SMYD3: variants seen among roughly 807,000 people sequenced by gnomAD.
SMYD3 encodes the protein SET and MYND domain containing 3.
SMYD3 carries 36 observed loss-of-function variants against 57.7 expected under a neutral mutation model. The observed-to-expected ratio is 0.62, with a 90% confidence interval of 0.48 to 0.82. The LOEUF is 0.82. Among genes scored for constraint, SMYD3 ranks in the 40% least tolerant of loss-of-function variants. The pLI is 0.00. For missense variants in SMYD3, 515 were observed against 538.8 expected (o/e 0.96, Z 0.44); for synonymous variants, 211 against 195.0 (o/e 1.08, Z -0.68).
At chr1:246,125,071 C>CAA (rs35080862) in intron 5 of SMYD3, among the ~76,000 whole-genome samples, 22 of 121,704 alleles carry the variant, frequency 1.8e-4, no homozygotes, top group Admixed American at 2.5e-4. Flanking sequence ...GACTCCGTCT[C>CAA]AAAAAAAAAA....
intron 1 of SMYD3, among the ~76,000 whole-genome samples, chr1:246,435,089 C>T (rs1223229067): frequency 6.6e-6 from 1 of 152,270 alleles, no homozygotes; most frequent in East Asian, 1.9e-4. Context: ...ATGTAGTTCA[C>T]ACTTATAAGT....
At chr1:246,324,287 C>A (rs1286642254) in intron 5 of SMYD3, among the ~76,000 whole-genome samples, 3 of 151,924 alleles carry the variant, frequency 2.0e-5, no homozygotes, top group Non-Finnish European at 1.5e-5. Context: ...TGGTGGCAGG[C>A]GCCTGTAATC....
chr1:246,265,767 T>C (rs1302853303), intron 5 of SMYD3, among the ~76,000 whole-genome samples: 3 of 152,234 alleles, frequency 2.0e-5, no homozygotes, highest in South Asian at 2.1e-4. Context: ...GAGCATCTTT[T>C]TGAACCAACG....
At chr1:246,159,787 G>A (rs1289408490) in intron 5 of SMYD3, among the ~76,000 whole-genome samples, 4 of 152,032 alleles carry the variant, frequency 2.6e-5, no homozygotes, top group African/African-American at 4.8e-5. Context: ...GGGAGCCACC[G>A]GTACTGAGGG....
chr1:246,096,414 T>C (rs1401085686), intron 5 of SMYD3: 4 of 152,216 alleles, frequency 2.6e-5, no homozygotes, highest in Non-Finnish European at 4.4e-5. Flanking sequence ...TTCAGGCCTC[T>C]TTGCTGGCAA....
intron 1 of SMYD3, among the ~76,000 whole-genome samples, chr1:246,394,283 T>G (rs925945463): frequency 5.9e-5 from 9 of 152,232 alleles, no homozygotes; most frequent in African/African-American, 1.9e-4. Flanking sequence ...CCTTTAAGAA[T>G]AGAATCCAAA....
intron 1 of SMYD3, among the ~76,000 whole-genome samples, chr1:246,481,484 C>A (rs368007292): frequency 1.3e-5 from 2 of 150,060 alleles, no homozygotes; most frequent in African/African-American, 4.9e-5. Context: ...TCTTCTCTTG[C>A]TCTTGGACTG....
At chr1:246,115,769 C>T (rs1305755421) in intron 5 of SMYD3, among the ~76,000 whole-genome samples, 3 of 152,120 alleles carry the variant, frequency 2.0e-5, no homozygotes, top group South Asian at 2.1e-4. Context: ...TAACAACTAC[C>T]ATACAGAGAG....
At chr1:246,059,513 A>G (rs1181974819) in intron 5 of SMYD3, among the ~76,000 whole-genome samples, 1 of 152,146 alleles carries the variant, frequency 6.6e-6, no homozygotes, top group African/African-American at 2.4e-5. Context: ...TTTTATTATC[A>G]AGCATGGTGA....
intron 10 of SMYD3, among the ~76,000 whole-genome samples, chr1:245,793,373 T>G (rs1157515609): frequency 3.9e-5 from 6 of 152,108 alleles, no homozygotes; most frequent in Non-Finnish European, 5.9e-5. Context: ...GTTTTCCCGC[T>G]GGCAGACAGA....
At chr1:246,250,188 ACTAT>A (rs1343958531) in intron 5 of SMYD3, among the ~76,000 whole-genome samples, 2 of 152,238 alleles carry the variant, frequency 1.3e-5, no homozygotes, top group Non-Finnish European at 2.9e-5. Context: ...ACCTGGCAAC[ACTAT>A]CTAATCTATT....
rs75601007 is a variant in SMYD3 at position 246,476,959 on chromosome 1, C to T, written c.164+30095G>A. 9.4e-3 allele frequency among the ~76,000 whole-genome samples: 1,431 copies of T among 152,284 alleles called. 22 individuals are homozygous for T. Among genetic ancestry groups the T allele is most frequent in the Non-Finnish European group, 0.012 (806 of 68,010 alleles). On this transcript the variant is annotated intron_variant, in intron 1 of 11. Transcript: ENST00000490107. ...TTGTCTCTGGAACACTCTAGCTCAG[C>T]AACTTTTTAAAGGAGGGATTAGAGA... is the stretch of plus-strand genomic sequence containing the variant.
At position 246,140,658 on chromosome 1, in the gene SMYD3, G is replaced by A. The variant is rs138474095; in HGVS notation, c.531+186543C>T. Among the ~76,000 whole-genome samples the A allele has an allele frequency of 3.0e-3, 458 of 152,154 alleles. 4 individuals are homozygous for A. Among genetic ancestry groups the A allele is most frequent in the African/African-American group, 0.011 (439 of 41,502 alleles). Reference sequence around the variant, plus strand: ...ATAGGGGTCTCAATCTGTCACCCAGGCTGGGGTACAGTGGCACAATCACAG... The same window carrying A: ...ATAGGGGTCTCAATCTGTCACCCAGACTGGGGTACAGTGGCACAATCACAG... On this transcript the variant is annotated intron_variant, in intron 5 of 11. Coordinates refer to ENST00000490107, the MANE Select transcript of SMYD3 (RefSeq NM_001167740.2).
At chr1:245,850,385 T>C (rs1394448099) in intron 10 of SMYD3, among the ~76,000 whole-genome samples, 2 of 152,126 alleles carry the variant, frequency 1.3e-5, no homozygotes, top group Non-Finnish European at 2.9e-5. Flanking sequence ...GGTGAGAGTT[T>C]AAGTTTGATT....
chr1:246,279,075 C>T (rs1222218294), intron 5 of SMYD3, among the ~76,000 whole-genome samples: 1 of 152,150 alleles, frequency 6.6e-6, no homozygotes, highest in Admixed American at 6.5e-5. Flanking sequence ...ACAGACTTCA[C>T]AACAGTTCTA....
At chr1:245,854,109 T>C (rs1178580999) in intron 10 of SMYD3, among the ~76,000 whole-genome samples, 1 of 152,180 alleles carries the variant, frequency 6.6e-6, no homozygotes, top group Non-Finnish European at 1.5e-5. Context: ...TCAACAAATC[T>C]TACCCTATAA....
At chr1:246,434,191 T>C (rs374359333) in intron 1 of SMYD3, among the ~76,000 whole-genome samples, 109 of 152,324 alleles carry the variant, frequency 7.2e-4, no homozygotes, top group African/African-American at 2.2e-3. Flanking sequence ...TTCTAAAGGA[T>C]TGGTTTAGGA....
chr1:246,214,518 T>G (rs1302873966), intron 5 of SMYD3, among the ~76,000 whole-genome samples: 1 of 152,162 alleles, frequency 6.6e-6, no homozygotes, highest in Non-Finnish European at 1.5e-5. Context: ...AAGTGAAATA[T>G]ATGAAGGAAT....
chr1:246,178,522 C>G (rs1297821392), intron 5 of SMYD3, among the ~76,000 whole-genome samples: 3 of 152,092 alleles, frequency 2.0e-5, no homozygotes, highest in African/African-American at 7.2e-5. Context: ...TTCACGCTTG[C>G]CACATCATAC....
Sources: allele counts gnomAD v4.1 joint callset (sites outside exome capture counted in the v4.1 genomes callset), GRCh38; gene constraint gnomAD v4.1.1; transcripts MANE v1.5; gene names NCBI Gene and HGNC (gene_info 2026-07-23, HGNC 2026-07-21).